Variants in DTNA observed in about 807,000 individuals in gnomAD.
DTNA encodes dystrobrevin alpha, also known as dystrophin-related protein 3.
DTNA carries 43 observed loss-of-function variants against 100.7 expected under a neutral mutation model. The ratio of observed to expected loss-of-function variants is 0.43; its 90% CI spans 0.33 to 0.55. The LOEUF is 0.55. Ranked by LOEUF, DTNA falls within the 20% of genes least tolerant of loss-of-function variation. The probability of loss-of-function intolerance (pLI) is 0.04; values close to 1 mark genes in which losing one functional copy is unlikely to be tolerated. For missense variants in DTNA, 798 were observed against 953.9 expected (o/e 0.84, Z 2.15); for synonymous variants, 349 against 347.9 (o/e 1.00, Z -0.04).
intron 1 of DTNA, among the ~76,000 whole-genome samples, chr18:34,740,560 G>A (rs2147717234): frequency 6.6e-6 from 1 of 152,224 alleles, no homozygotes; most frequent in Middle Eastern, 3.4e-3. Flanking sequence ...TCAAAAGTGT[G>A]GGAGGATCTC....
intron 8 of DTNA, 51 bp from the exon 9 acceptor site, chr18:34,820,740 T>C: frequency 6.2e-7 from 1 of 1,612,700 alleles, no homozygotes; most frequent in Non-Finnish European, 8.5e-7. Flanking sequence ...TTTGATAAAA[T>C]ATTACATAAA....
chr18:34,552,338 G>T (rs1313741719), intron 1 of DTNA, among the ~76,000 whole-genome samples: 1 of 151,634 alleles, frequency 6.6e-6, no homozygotes, highest in Non-Finnish European at 1.5e-5. Context: ...GTCATCACGG[G>T]CCCAGTTGCT....
At chr18:34,848,167 C>T (rs1185527374) in intron 13 of DTNA, 129 bp from the exon 14 acceptor site, 1 of 805,086 alleles carries the variant, frequency 1.2e-6, no homozygotes, top group African/African-American at 1.7e-5. Context: ...GTTATTCTAA[C>T]AGGGTTTTGT....
At chr18:34,673,793 C>T (rs905023093) in intron 1 of DTNA, among the ~76,000 whole-genome samples, 1 of 152,190 alleles carries the variant, frequency 6.6e-6, no homozygotes, top group Non-Finnish European at 1.5e-5. Context: ...CTTTATCTTA[C>T]TTTAACCTAA....
intron 1 of DTNA, among the ~76,000 whole-genome samples, chr18:34,633,071 C>T (rs956110787): frequency 6.6e-6 from 1 of 152,120 alleles, no homozygotes; most frequent in Non-Finnish European, 1.5e-5. Context: ...ATTTGATGAA[C>T]AAGGAAGATC....
intron 1 of DTNA, among the ~76,000 whole-genome samples, chr18:34,639,723 A>G (rs1412570376): frequency 3.3e-5 from 5 of 152,254 alleles, no homozygotes; most frequent in African/African-American, 1.2e-4. Context: ...AAGGAAAGAA[A>G]TACAAGTTAA....
chr18:34,710,322 A>C lies in DTNA; in HGVS notation c.-125A>C, dbSNP rs1229153508. On this transcript the variant is annotated 5_prime_UTR_variant, in exon 1 of 23. It removes the in-frame stop codon of an upstream open reading frame in the 5' UTR. Coordinates refer to ENST00000444659, the MANE Select transcript of DTNA (RefSeq NM_001386795.1). ...GAAGAATGAACACAGCTTTTTATTGAAGTTAAAGGTTACTTTGGAGTTTGT... is the reference window on the plus strand; with the variant it reads ...GAAGAATGAACACAGCTTTTTATTGCAGTTAAAGGTTACTTTGGAGTTTGT... 6.6e-6 allele frequency: 1 copy of C among 152,162 alleles called. No individual in the cohort carries two copies. The highest frequency in any genetic ancestry group is 1.5e-5 in the Non-Finnish European group (1 of 68,042). The allele number at this position is 152,162 out of a possible 1,614,324, so 9.4% of individuals were successfully genotyped here.
intron 1 of DTNA, among the ~76,000 whole-genome samples, chr18:34,728,841 A>G (rs2087382447): frequency 1.3e-5 from 2 of 152,194 alleles, no homozygotes; most frequent in South Asian, 4.1e-4. Flanking sequence ...CACCAGCTTC[A>G]CTTTCTGAGC....
intron 5 of DTNA, among the ~76,000 whole-genome samples, chr18:34,810,669 T>A (rs1282820611): frequency 3.3e-5 from 5 of 152,100 alleles, no homozygotes; most frequent in African/African-American, 1.2e-4. Flanking sequence ...TTATTGTATA[T>A]TTTCAAAAAG....
At chr18:34,513,450 A>G (rs2041290077) in intron 1 of DTNA, 1 of 152,172 alleles carries the variant, frequency 6.6e-6, no homozygotes, top group African/African-American at 2.4e-5. Flanking sequence ...AATACCTAAA[A>G]TGTTTCTCTG....
rs2096946438 is a variant in DTNA at position 34,889,012 on chromosome 18, A to G, written c.*1278A>G. The G allele has an allele frequency of 1.0e-6, 1 of 985,784 alleles. No individual in the cohort carries two copies. The highest frequency in any genetic ancestry group is 1.2e-6 in the Non-Finnish European group (1 of 829,944). The allele number at this position is 985,784 out of a possible 1,614,324, so 61.1% of individuals were successfully genotyped here. ...AAGTGCAAAAGAGCTATCAAAGACA[A>G]GAGGATAAAAGACTGGGATAGTCTT... On this transcript the variant is annotated 3_prime_UTR_variant, in exon 23 of 23. Transcript: ENST00000444659.
chr18:34,833,737 T>C (rs2096070029), intron 11 of DTNA, among the ~76,000 whole-genome samples: 1 of 152,194 alleles, frequency 6.6e-6, no homozygotes, highest in Non-Finnish European at 1.5e-5. Flanking sequence ...GTGCACATGA[T>C]TTTAGAAATG....
At chr18:34,661,717 C>G (rs1171566088) in intron 1 of DTNA, among the ~76,000 whole-genome samples, 1 of 152,078 alleles carries the variant, frequency 6.6e-6, no homozygotes, top group East Asian at 1.9e-4. Flanking sequence ...ATCCACTGTT[C>G]CCACCCTCTT....
chr18:34,726,132 G>C (rs1313626244), intron 1 of DTNA, among the ~76,000 whole-genome samples: 1 of 151,990 alleles, frequency 6.6e-6, no homozygotes, highest in Non-Finnish European at 1.5e-5. Flanking sequence ...AGCATTAGGA[G>C]AAATACCTAA....
intron 1 of DTNA, among the ~76,000 whole-genome samples, chr18:34,539,241 T>G (rs2044016080): frequency 6.6e-6 from 1 of 151,886 alleles, no homozygotes; most frequent in Non-Finnish European, 1.5e-5. Context: ...GAAATTTTAC[T>G]TCTAGGATTC....
chr18:34,646,723 T>A (rs1159742260), intron 1 of DTNA, among the ~76,000 whole-genome samples: 1 of 152,148 alleles, frequency 6.6e-6, no homozygotes, highest in African/African-American at 2.4e-5. Context: ...TTTATTTATT[T>A]TTTGAGATGG....
At chr18:34,805,520 TC>T (rs1340170398) in intron 4 of DTNA, among the ~76,000 whole-genome samples, 1 of 152,112 alleles carries the variant, frequency 6.6e-6, no homozygotes, top group East Asian at 1.9e-4. Flanking sequence ...AGACAGGATA[TC>T]ACCATGTTGG....
At chr18:34,539,014 A>G (rs1163203588) in intron 1 of DTNA, among the ~76,000 whole-genome samples, 1 of 152,008 alleles carries the variant, frequency 6.6e-6, no homozygotes, top group African/African-American at 2.4e-5. Context: ...AATTTTATTA[A>G]AAGAATATAC....
chr18:34,753,136 T>C (rs1054362461), intron 1 of DTNA, among the ~76,000 whole-genome samples: 2 of 152,152 alleles, frequency 1.3e-5, no homozygotes, highest in Non-Finnish European at 2.9e-5. Flanking sequence ...GGTTGGACTT[T>C]GCTGGGCACT....
Sources: gnomAD v4.1 joint callset for allele counts (sites outside exome capture counted in the v4.1 genomes callset) on GRCh38, gnomAD v4.1.1 for gene constraint, MANE v1.5 for transcripts, NCBI Gene and HGNC (gene_info 2026-07-23, HGNC 2026-07-21) for gene names.